SYTL5: variants seen among roughly 807,000 people sequenced by gnomAD.
SYTL5 encodes the protein synaptotagmin-like protein 5.
SYTL5 carries 34 observed loss-of-function variants against 55.9 expected under a neutral mutation model. That is an observed-to-expected ratio of 0.61 (90% CI 0.46 to 0.81). SYTL5 has a LOEUF of 0.81. SYTL5 is among the 30% of genes least tolerant of loss of function. SYTL5 has a pLI of 0.00. For missense variants in SYTL5, 637 were observed against 546.7 expected (o/e 1.17, Z -1.65); for synonymous variants, 221 against 188.7 (o/e 1.17, Z -1.40).
chrX:38,109,472 C>T (rs747940267), intron 12 of SYTL5, among the ~76,000 whole-genome samples: 1 of 110,002 alleles, frequency 9.1e-6, no homozygotes, highest in Admixed American at 9.8e-5. Context: ...TCAGTGGGAG[C>T]GTGTGTGGAA....
the SYTL5 span, among the ~76,000 whole-genome samples, chrX:37,981,161 CAGTGGA>C: frequency 2.7e-5 from 3 of 112,232 alleles, no homozygotes; most frequent in Admixed American, 2.8e-4. Context: ...TTCTCAAAAA[CAGTGGA>C]AGTTGTTTTA....
At chrX:38,003,109 A>G (rs1237879726), upstream of SYTL5, among the ~76,000 whole-genome samples, 1 of 111,840 alleles carries the variant, frequency 8.9e-6, no homozygotes, top group Non-Finnish European at 1.9e-5. Context: ...TCCCAGCACC[A>G]TTTATCAAAT....
intron 13 of SYTL5, among the ~76,000 whole-genome samples, chrX:38,117,824 A>G (rs753638064): frequency 7.1e-5 from 8 of 111,941 alleles, no homozygotes; most frequent in African/African-American, 2.3e-4. Flanking sequence ...ACGAGTTCCC[A>G]GAGGAAGCAT....
the SYTL5 span, among the ~76,000 whole-genome samples, chrX:37,925,451 A>G: frequency 9.0e-6 from 1 of 111,333 alleles, no homozygotes; most frequent in Non-Finnish European, 1.9e-5. Context: ...TGTTTGGAGG[A>G]AGCTGTTTAC....
intron 2 of SYTL5, among the ~76,000 whole-genome samples, chrX:38,035,671 C>T (rs1047801468): frequency 4.2e-4 from 45 of 107,390 alleles, no homozygotes; most frequent in African/African-American, 1.5e-3. Flanking sequence ...CAGAGGTGGG[C>T]GGATCAGGAG....
At chrX:37,961,745 ATT>A in the SYTL5 span, among the ~76,000 whole-genome samples, 1 of 112,271 alleles carries the variant, frequency 8.9e-6, no homozygotes, top group South Asian at 3.7e-4. Context: ...TAAATCATAT[ATT>A]TGTATAATAT....
At chrX:38,053,380 A>G (rs1483804823) in intron 2 of SYTL5, among the ~76,000 whole-genome samples, 1 of 112,691 alleles carries the variant, frequency 8.9e-6, no homozygotes, top group Non-Finnish European at 1.9e-5. Context: ...TCATGAAGGA[A>G]TATTATTACT....
rs1012649965 is a variant in SYTL5 at position 38,126,668 on chromosome X, C to G, written c.2131C>G (p.Pro711Ala). 9.1e-6 allele frequency: 11 copies of G among 1,209,887 alleles called. No homozygotes were observed. The highest frequency in any genetic ancestry group is 1.2e-5 in the Non-Finnish European group (11 of 894,588). Residue 711 changes from proline to alanine, a missense_variant, in exon 17 of 17, where the codon CCT becomes GCT. Transcript: ENST00000297875. ...CCTTTGGCAGAAGATGGCCAACAAC[C>G]CTGGAACTCCCTTTGAGGGTGTACT... ...QRLWQKMANN[P>A]GTPFEGVLML...
At chrX:37,976,351 A>G in the SYTL5 span, among the ~76,000 whole-genome samples, 24 of 111,809 alleles carry the variant, frequency 2.1e-4, no homozygotes, top group Admixed American at 2.1e-3. Context: ...AATTTTCCAA[A>G]TTTGTTTTCA....
At chrX:37,904,268 G>A in the SYTL5 span, among the ~76,000 whole-genome samples, 2 of 104,808 alleles carry the variant, frequency 1.9e-5, no homozygotes, top group African/African-American at 3.5e-5. Context: ...GGTGGTCCGG[G>A]GGGGGGGGTG....
chrX:37,911,122 T>C, the SYTL5 span, among the ~76,000 whole-genome samples: 23 of 108,569 alleles, frequency 2.1e-4, no homozygotes, highest in African/African-American at 7.8e-4. Context: ...TCTGCCACCA[T>C]ACCCAGCTAA....
At chrX:37,947,817 T>C in the SYTL5 span, among the ~76,000 whole-genome samples, 1 of 111,848 alleles carries the variant, frequency 8.9e-6, no homozygotes, top group Non-Finnish European at 1.9e-5. Context: ...TCACATTAAG[T>C]GAGGCTAATA....
At chrX:38,046,734 T>C (rs1255373857) in intron 2 of SYTL5, among the ~76,000 whole-genome samples, 3 of 111,561 alleles carry the variant, frequency 2.7e-5, no homozygotes, top group African/African-American at 9.8e-5. Flanking sequence ...CAGTCCAAAG[T>C]CTCATCTGAG....
At chrX:38,111,556 A>G (rs1163311307) in intron 13 of SYTL5, among the ~76,000 whole-genome samples, 1 of 112,203 alleles carries the variant, frequency 8.9e-6, no homozygotes, top group Non-Finnish European at 1.9e-5. Context: ...ATCTTATCAA[A>G]GTCTTGGAAT....
intron 2 of SYTL5, among the ~76,000 whole-genome samples, chrX:38,035,046 G>A (rs550830127): frequency 3.9e-4 from 44 of 111,900 alleles, no homozygotes; most frequent in African/African-American, 1.3e-3. Context: ...AAAGCCACTA[G>A]GATCTTTAGA....
chrX:37,947,531 AC>A, the SYTL5 span, among the ~76,000 whole-genome samples: 4 of 111,977 alleles, frequency 3.6e-5, no homozygotes, highest in African/African-American at 1.3e-4. Flanking sequence ...GCCATGCGGA[AC>A]TGTGAGTCAT....
the SYTL5 span, among the ~76,000 whole-genome samples, chrX:37,924,755 TTGTACA>T: frequency 9.0e-6 from 1 of 111,261 alleles, no homozygotes. Context: ...ACCCCAAAAG[TTGTACA>T]TGTACCCAAA....
chrX:38,119,765 T>C (rs1239830033), intron 13 of SYTL5, among the ~76,000 whole-genome samples: 1 of 112,544 alleles, frequency 8.9e-6, no homozygotes, highest in Non-Finnish European at 1.9e-5. Context: ...CAAACTGTTT[T>C]CCAGAGTGAC....
intron 2 of SYTL5, among the ~76,000 whole-genome samples, chrX:38,047,265 C>G (rs1199200945): frequency 1.8e-5 from 2 of 113,038 alleles, no homozygotes; most frequent in Non-Finnish European, 3.7e-5. Flanking sequence ...AGGGCCCTGC[C>G]CCTCCAGCAA....
Sources: gnomAD v4.1 joint callset for allele counts (sites outside exome capture counted in the v4.1 genomes callset) on GRCh38, gnomAD v4.1.1 for gene constraint, MANE v1.5 for transcripts, NCBI Gene and HGNC (gene_info 2026-07-23, HGNC 2026-07-21) for gene names.